Variants in SCAI observed in about 807,000 individuals in gnomAD.
The protein encoded by SCAI is protein SCAI.
SCAI carries 24 observed loss-of-function variants against 92.2 expected under a neutral mutation model. The ratio of observed to expected loss-of-function variants is 0.26; its 90% CI spans 0.19 to 0.37. The LOEUF is 0.37. SCAI is among the 10% of genes least tolerant of loss of function. SCAI has a pLI of 1.00. For missense variants in SCAI, 450 were observed against 736.2 expected (o/e 0.61, Z 4.50); for synonymous variants, 261 against 258.6 (o/e 1.01, Z -0.09).
chr9:124,947,162 A>G lies in SCAI; in HGVS notation c.*5645T>C, dbSNP rs899018332. Reference sequence around the variant, plus strand: ...TCCCCTATTTAATGGACATTTTCCTATGTTTTTAAATGTGATTAAAGCAAT... The same window carrying G: ...TCCCCTATTTAATGGACATTTTCCTGTGTTTTTAAATGTGATTAAAGCAAT... On this transcript the variant is annotated 3_prime_UTR_variant, in exon 18 of 18. Coordinates refer to ENST00000336505, the MANE Select transcript of SCAI (RefSeq NM_001144877.3). 2.0e-5 allele frequency: 3 copies of G among 152,182 alleles called. No individual in the cohort carries two copies. In the East Asian group the frequency reaches 5.8e-4, roughly 29 times the overall value. 9.4% of individuals were successfully genotyped at this position (152,182 alleles called of 1,614,324 possible).
Position 124,945,483 on chromosome 9 carries a change from A to C in SCAI, c.*7324T>G, listed in dbSNP as rs1831131333. On this transcript the variant is annotated 3_prime_UTR_variant, in exon 18 of 18. Coordinates refer to ENST00000336505, the MANE Select transcript of SCAI (RefSeq NM_001144877.3). ...GGCAGGAGAATCTCTTGAACCCAGGAGGCGGAGGTTGCAGTGAGCTGAGAT... is the reference window on the plus strand; with the variant it reads ...GGCAGGAGAATCTCTTGAACCCAGGCGGCGGAGGTTGCAGTGAGCTGAGAT... 1 of 152,232 alleles carries C rather than the reference A, an allele frequency of 6.6e-6. No individual in the cohort carries two copies. Among genetic ancestry groups the C allele is most frequent in the Non-Finnish European group, 1.5e-5 (1 of 68,104 alleles). The allele number at this position is 152,232 out of a possible 1,614,324, so 9.4% of individuals were successfully genotyped here.
chr9:125,108,535 G>GA (rs1268779953), intron 2 of SCAI, among the ~76,000 whole-genome samples: 1 of 151,578 alleles, frequency 6.6e-6, no homozygotes. Flanking sequence ...CCCCATCTGG[G>GA]AGGTGAGGAG....
chr9:125,060,243 G>C (rs1833745975), intron 2 of SCAI, among the ~76,000 whole-genome samples: 1 of 142,620 alleles, frequency 7.0e-6, no homozygotes, highest in Admixed American at 7.2e-5. Flanking sequence ...AAATATGCCA[G>C]ATTTAGAAGG....
chr9:125,043,843 C>T lies in SCAI; in HGVS notation c.230+12033G>A, dbSNP rs113797276. Among the ~76,000 whole-genome samples the T allele has an allele frequency of 6.6e-5, 10 of 152,254 alleles. 1 individual carries two copies. The highest frequency in any genetic ancestry group is 2.4e-4 in the African/African-American group (10 of 41,554). On this transcript the variant is annotated intron_variant, in intron 3 of 17. Transcript: ENST00000336505. Reference sequence around the variant, plus strand: ...GAAGTTGTGGCCAGGGCTGCATGCTCCACAGAATGGGTGGAGGCCAGGAAC... The same window carrying T: ...GAAGTTGTGGCCAGGGCTGCATGCTTCACAGAATGGGTGGAGGCCAGGAAC...
At chr9:125,086,857 T>C (rs1053618196) in intron 2 of SCAI, among the ~76,000 whole-genome samples, 1 of 152,200 alleles carries the variant, frequency 6.6e-6, no homozygotes, top group Non-Finnish European at 1.5e-5. Context: ...ATATGTAAGA[T>C]GGGTAGAATA....
intron 2 of SCAI, among the ~76,000 whole-genome samples, chr9:125,140,298 C>G (rs893964915): frequency 2.0e-5 from 3 of 152,146 alleles, no homozygotes; most frequent in African/African-American, 7.2e-5. Flanking sequence ...GAGGCCTAGT[C>G]AGACAGAGCA....
At chr9:124,958,739 T>G (rs1025366717) in intron 17 of SCAI, among the ~76,000 whole-genome samples, 2 of 151,720 alleles carry the variant, frequency 1.3e-5, no homozygotes, top group African/African-American at 4.8e-5. Context: ...AAAACCCCTC[T>G]CTACTAAAAA....
In SCAI at chr9:125,042,634, TAC is replaced by T. The variant is rs1554783862; in HGVS notation, c.231-12897_231-12896del. On this transcript the variant is annotated intron_variant, in intron 3 of 17. Coordinates refer to ENST00000336505, the MANE Select transcript of SCAI (RefSeq NM_001144877.3). ...CAGAGTATGTGTGTGTGTGTGTGTGTACACACACACACACACACACACACACA... is the reference window on the plus strand; with the variant it reads ...CAGAGTATGTGTGTGTGTGTGTGTGTACACACACACACACACACACACACA... Among the ~76,000 whole-genome samples the T allele has an allele frequency of 8.7e-3, 837 of 96,080 alleles. 4 individuals are homozygous for T. The highest frequency in any genetic ancestry group is 0.026 in the East Asian group (77 of 2,980). 63.0% of individuals were successfully genotyped at this position (96,080 alleles called of 152,430 possible).
intron 2 of SCAI, among the ~76,000 whole-genome samples, chr9:125,111,178 G>A (rs10819030): frequency 0.43 from 65,776 of 151,452 alleles, 14,646 homozygotes; most frequent in East Asian, 0.53. Flanking sequence ...AGTTGGGTTT[G>A]TTCCAGAAAT....
intron 3 of SCAI, among the ~76,000 whole-genome samples, chr9:125,054,007 C>T (rs1346856523): frequency 6.6e-6 from 1 of 152,120 alleles, no homozygotes; most frequent in Admixed American, 6.6e-5. Context: ...AAGGGTCTTG[C>T]TCTGTCACCC....
At chr9:124,977,149 A>T (rs1001105096) in intron 14 of SCAI, among the ~76,000 whole-genome samples, 1 of 152,174 alleles carries the variant, frequency 6.6e-6, no homozygotes, top group Non-Finnish European at 1.5e-5. Flanking sequence ...GATTACAGGC[A>T]TGAGCCAGCA....
chr9:125,064,469 T>C (rs1241585186), intron 2 of SCAI, among the ~76,000 whole-genome samples: 1 of 152,154 alleles, frequency 6.6e-6, no homozygotes, highest in Admixed American at 6.5e-5. Flanking sequence ...ACCAAGTCCC[T>C]AGATGTCACA....
At chr9:125,075,411 C>CTT (rs1457836094) in intron 2 of SCAI, among the ~76,000 whole-genome samples, 2 of 144,562 alleles carry the variant, frequency 1.4e-5, no homozygotes. Flanking sequence ...TTCATTCTTT[C>CTT]TTTTTTTTTT....
intron 3 of SCAI, among the ~76,000 whole-genome samples, chr9:125,050,877 C>T (rs1833547562): frequency 1.3e-5 from 2 of 151,308 alleles, no homozygotes; most frequent in Non-Finnish European, 3.0e-5. Flanking sequence ...GAGATACTTT[C>T]ATTTATATAA....
intron 2 of SCAI, among the ~76,000 whole-genome samples, chr9:125,073,957 T>G (rs1420262362): frequency 1.3e-5 from 2 of 151,690 alleles, no homozygotes; most frequent in Non-Finnish European, 2.9e-5. Flanking sequence ...TTTTTTTTTT[T>G]TAAACATAGA....
At chr9:125,140,537 T>C (rs771814898) in intron 2 of SCAI, among the ~76,000 whole-genome samples, 2 of 151,758 alleles carry the variant, frequency 1.3e-5, no homozygotes, top group Admixed American at 6.6e-5. Flanking sequence ...CAGGAAAAAG[T>C]AAGTGAAAAT....
chr9:125,128,007 CAA>C (rs371348694), intron 2 of SCAI, among the ~76,000 whole-genome samples: 2 of 134,566 alleles, frequency 1.5e-5, no homozygotes, highest in Non-Finnish European at 1.6e-5. Context: ...GACTGCATCT[CAA>C]AAAAAAAAAA....
At chr9:125,076,605 C>A (rs769788725) in intron 2 of SCAI, among the ~76,000 whole-genome samples, 4 of 152,132 alleles carry the variant, frequency 2.6e-5, no homozygotes. Context: ...TGGCTCACCT[C>A]TGTAATCCCA....
chr9:124,965,622 G>A (rs183259461), intron 17 of SCAI, among the ~76,000 whole-genome samples: 1 of 152,186 alleles, frequency 6.6e-6, no homozygotes, highest in Non-Finnish European at 1.5e-5. Flanking sequence ...AAAGTGTAAG[G>A]TTTTCATGCC....
Sources: gnomAD v4.1 joint callset for allele counts (sites outside exome capture counted in the v4.1 genomes callset) on GRCh38, gnomAD v4.1.1 for gene constraint, MANE v1.5 for transcripts, NCBI Gene and HGNC (gene_info 2026-07-23, HGNC 2026-07-21) for gene names.